TTC27: variants seen among roughly 807,000 people sequenced by gnomAD.
TTC27 encodes tetratricopeptide repeat protein 27.
In TTC27, 79 loss-of-function variants were observed where a neutral mutation model predicts 115.9. The observed-to-expected ratio is 0.68, with a 90% CI of 0.57 to 0.82. TTC27 has a LOEUF of 0.82. TTC27 is among the 40% of genes least tolerant of loss of function. The probability of loss-of-function intolerance (pLI) is 0.00; values close to 1 mark genes in which losing one functional copy is unlikely to be tolerated. For synonymous variants in TTC27, 401 were observed against 356.0 expected (o/e 1.13, Z -1.42); for missense variants, 1,054 against 993.1 (o/e 1.06, Z -0.82).
In TTC27 at chr2:32,811,075, G is replaced by A; in HGVS notation, c.2050G>A (p.Gly684Arg). ...AVIDGMTDRS[G>R]DVATGLKGKL... ...GATTGATGGGATGACTGATCGAAGT[G>A]GAGATGTTGCAACTGGCCTCAAAGG... Residue 684 changes from glycine (G) to arginine (R), a missense_variant, in exon 17 of 20, where the codon GGA becomes AGA. Coordinates refer to ENST00000317907, the MANE Select transcript of TTC27 (RefSeq NM_017735.5). The A allele has an allele frequency of 1.2e-6, 2 of 1,614,160 alleles. No individual in the cohort carries two copies. Among genetic ancestry groups the A allele is most frequent in the Non-Finnish European group, 1.7e-6 (2 of 1,180,026 alleles).
chr2:32,779,849 C>A (rs1006083281), intron 14 of TTC27, among the ~76,000 whole-genome samples: 1 of 152,172 alleles, frequency 6.6e-6, no homozygotes, highest in African/African-American at 2.4e-5. Flanking sequence ...GGTCCAACTT[C>A]ATTCTTTTAC....
intron 16 of TTC27, among the ~76,000 whole-genome samples, chr2:32,798,994 A>T (rs1233996512): frequency 6.6e-6 from 1 of 152,228 alleles, no homozygotes; most frequent in African/African-American, 2.4e-5. Context: ...CCAAATTTCC[A>T]TCTATGGATG....
At chr2:32,682,590 G>T (rs1476291096) in intron 9 of TTC27, among the ~76,000 whole-genome samples, 2 of 152,034 alleles carry the variant, frequency 1.3e-5, no homozygotes, top group African/African-American at 4.8e-5. Context: ...CAGCTTGGTG[G>T]CCTGGGACTA....
intron 9 of TTC27, among the ~76,000 whole-genome samples, chr2:32,695,856 A>T (rs959862401): frequency 6.6e-6 from 1 of 151,626 alleles, no homozygotes. Context: ...GTGAACCGAG[A>T]TGGCGCCGTC....
At chr2:32,809,922 G>T (rs1317178806) in intron 16 of TTC27, among the ~76,000 whole-genome samples, 7 of 152,070 alleles carry the variant, frequency 4.6e-5, no homozygotes, top group African/African-American at 1.7e-4. Context: ...TTCAAGACCA[G>T]CCTGGCCAAC....
At chr2:32,654,953 C>A (rs907765431) in intron 5 of TTC27, among the ~76,000 whole-genome samples, 2 of 151,168 alleles carry the variant, frequency 1.3e-5, no homozygotes, top group African/African-American at 4.9e-5. Context: ...TCCTCAGCCC[C>A]CCAAAGTGCT....
In TTC27 at chr2:32,758,467, T is replaced by G; in HGVS notation, c.1628T>G (p.Phe543Cys). The G allele has an allele frequency of 6.2e-7, 1 of 1,614,152 alleles. No individual in the cohort carries two copies. The highest frequency in any genetic ancestry group is 8.5e-7 in the Non-Finnish European group (1 of 1,180,010). ...CTCCTTCATCTTCGGAACAAGGAGT[T>G]TCAAGAGTGTGTAGAGTGCTTCGAA... The part of the protein sequence containing the change: ...KALLHLRNKE[F>C]QECVECFERS... The change falls in exon 13 of 20, where the codon TTT (phenylalanine) becomes TGT (cysteine). Residue 543 changes from phenylalanine to cysteine, a missense_variant. Coordinates refer to ENST00000317907, the MANE Select transcript of TTC27 (RefSeq NM_017735.5).
intron 12 of TTC27, among the ~76,000 whole-genome samples, chr2:32,740,780 G>C (rs779754035): frequency 2.0e-5 from 3 of 151,988 alleles, no homozygotes; most frequent in Non-Finnish European, 4.4e-5. Flanking sequence ...TCAGCCTCCC[G>C]AGTAGCTGGG....
At chr2:32,742,850 C>G (rs1470540557) in intron 12 of TTC27, among the ~76,000 whole-genome samples, 2 of 152,174 alleles carry the variant, frequency 1.3e-5, no homozygotes, top group Non-Finnish European at 2.9e-5. Context: ...TAGAATTAGA[C>G]TATGGCCAAT....
chr2:32,804,239 C>T (rs1671056903), intron 16 of TTC27, among the ~76,000 whole-genome samples: 1 of 152,082 alleles, frequency 6.6e-6, no homozygotes, highest in Non-Finnish European at 1.5e-5. Context: ...TTTTCATACA[C>T]AGTACTATTC....
intron 9 of TTC27, among the ~76,000 whole-genome samples, chr2:32,685,495 G>A (rs1357891682): frequency 1.3e-5 from 2 of 151,914 alleles, no homozygotes; most frequent in East Asian, 3.9e-4. Context: ...CTATAAAATT[G>A]GATAAAATAT....
At chr2:32,754,796 G>T (rs563759771) in intron 12 of TTC27, among the ~76,000 whole-genome samples, 1 of 145,570 alleles carries the variant, frequency 6.9e-6, no homozygotes, top group Non-Finnish European at 1.5e-5. Flanking sequence ...CCTCCCTCCC[G>T]GACGGGGCGG....
intron 9 of TTC27, among the ~76,000 whole-genome samples, chr2:32,684,054 A>AG (rs1354615039): frequency 6.6e-6 from 1 of 152,086 alleles, no homozygotes; most frequent in Non-Finnish European, 1.5e-5. Context: ...GCTACTCAGG[A>AG]GGCTGATGCA....
At chr2:32,748,574 GT>G (rs1346593209) in intron 12 of TTC27, among the ~76,000 whole-genome samples, 1 of 151,430 alleles carries the variant, frequency 6.6e-6, no homozygotes, top group Non-Finnish European at 1.5e-5. Flanking sequence ...AGTTCTTTCA[GT>G]TTTTGCTTCA....
rs776763962 is a variant in TTC27, at chr2:32,758,348, C to A, written c.1509C>A (p.Cys503Ter). 21 of 1,614,070 alleles carry A rather than the reference C, an allele frequency of 1.3e-5. No individual in the cohort carries two copies. The highest frequency in any genetic ancestry group is 1.6e-4 in the Middle Eastern group (1 of 6,084). ...AAAAAGAAACGCCTAGTTTATACTG[C>A]TTGCTTGGAGATGTCCTCGGAGACC... ...LEKKETPSLY[C>*]LLGDVLGDHS... Residue 503 changes from cysteine (C) to a stop codon, truncating the protein, a stop_gained, in exon 13 of 20, where the codon TGC becomes TGA. Transcript: ENST00000317907. LOFTEE classifies it high-confidence loss of function.
At chr2:32,636,482 A>G (rs1664433597) in intron 3 of TTC27, among the ~76,000 whole-genome samples, 2 of 152,148 alleles carry the variant, frequency 1.3e-5, no homozygotes. Context: ...CCAAAGTGTT[A>G]GGATTATGGT....
At chr2:32,679,617 A>G (rs1666346895) in intron 9 of TTC27, among the ~76,000 whole-genome samples, 1 of 152,176 alleles carries the variant, frequency 6.6e-6, no homozygotes, top group African/African-American at 2.4e-5. Context: ...TTAGTTGGGA[A>G]TCCATTTAGA....
rs1338411800 is a variant in TTC27, at chr2:32,713,818, AG to A, written c.1233+10900del. On this transcript the variant is annotated intron_variant, in intron 10 of 19. Coordinates refer to ENST00000317907, the MANE Select transcript of TTC27 (RefSeq NM_017735.5). ...GGGGTACATGTGCAAGTTGTTAAGT[AG>A]GTAAATTGTGTGTCTCAGGGTTTTG... is the stretch of plus-strand genomic sequence containing the variant. Among the ~76,000 whole-genome samples the A allele has an allele frequency of 5.3e-5, 8 of 152,242 alleles. No individual in the cohort carries two copies. The East Asian group carries it at 1.5e-3, about 29-fold the overall frequency.
chr2:32,814,398 T>A (rs1671421721), intron 18 of TTC27, among the ~76,000 whole-genome samples: 1 of 152,236 alleles, frequency 6.6e-6, no homozygotes, highest in Admixed American at 6.5e-5. Context: ...ATTTTAAGCG[T>A]ATTTGAGTGG....
Sources: gnomAD v4.1 joint callset for allele counts (sites outside exome capture counted in the v4.1 genomes callset) on GRCh38, gnomAD v4.1.1 for gene constraint, MANE v1.5 for transcripts, NCBI Gene and HGNC (gene_info 2026-07-23, HGNC 2026-07-21) for gene names.